The following IRAG1 variants were observed in gnomAD, a reference collection of about 807,000 sequenced individuals.
The protein encoded by IRAG1 is IP3R-associated cGMP kinase substrate.
In IRAG1, 62 loss-of-function variants were observed where a neutral mutation model predicts 106.2. The observed-to-expected ratio is 0.58, with a 90% CI of 0.48 to 0.72. The LOEUF (loss-of-function observed/expected upper bound fraction) is 0.72. Among genes scored for constraint, IRAG1 ranks in the 30% least tolerant of loss-of-function variants. IRAG1 has a pLI of 0.00. For synonymous variants in IRAG1, 462 were observed against 443.9 expected, an observed-to-expected ratio of 1.04 and a Z score of -0.51; for missense variants, 1,064 against 1,140.7, an observed-to-expected ratio of 0.93 and a Z score of 0.97.
intron 1 of IRAG1, among the ~76,000 whole-genome samples, chr11:10,654,581 T>C (rs1434444373): frequency 6.6e-6 from 1 of 152,154 alleles, no homozygotes; most frequent in African/African-American, 2.4e-5. Context: ...GCTGGTGACA[T>C]AAAGATAATC....
In IRAG1 at chr11:10,581,991, T is replaced by C. The variant is rs1156324709; in HGVS notation, c.2241-5A>G. 2.5e-6 allele frequency: 4 copies of C among 1,612,250 alleles called. No homozygotes were observed. The stretch of plus-strand genomic sequence containing the variant: ...GGGTCCCCATTTGTCTTTCCACTAG[T>C]GAGAAGAGGGAAGTACAGGGCATCA... On this transcript the variant is annotated splice_polypyrimidine_tract_variant and splice_region_variant and intron_variant, in intron 18 of 20. Coordinates refer to ENST00000423302, the MANE Select transcript of IRAG1 (RefSeq NM_130385.4).
chr11:10,634,753 T>TTG (rs57266330), intron 2 of IRAG1, among the ~76,000 whole-genome samples: 2,050 of 145,034 alleles, frequency 0.014, 22 homozygotes, highest in Middle Eastern at 0.028. Context: ...AATAATATTC[T>TTG]TGTGTGTGTG....
chr11:10,649,413 A>T (rs1398216408), intron 2 of IRAG1, among the ~76,000 whole-genome samples: 1 of 152,282 alleles, frequency 6.6e-6, no homozygotes, highest in Non-Finnish European at 1.5e-5. Flanking sequence ...AGAGTCTAGG[A>T]GGCAGCAACT....
chr11:10,590,694 C>A (rs533180588), intron 18 of IRAG1, among the ~76,000 whole-genome samples: 1 of 152,130 alleles, frequency 6.6e-6, no homozygotes, highest in African/African-American at 2.4e-5. Flanking sequence ...GCTATAAAAT[C>A]CTCTGAGTGC....
intron 10 of IRAG1, among the ~76,000 whole-genome samples, chr11:10,619,239 A>C (rs1855657509): frequency 6.6e-6 from 1 of 152,212 alleles, no homozygotes; most frequent in Non-Finnish European, 1.5e-5. Context: ...CACAGAAATG[A>C]GCCTCCCAGT....
At chr11:10,682,457 T>C (rs1258408216) in intron 1 of IRAG1, among the ~76,000 whole-genome samples, 2 of 152,166 alleles carry the variant, frequency 1.3e-5, no homozygotes, top group Admixed American at 6.5e-5. Context: ...TAACCAACCG[T>C]ATCTTTTTTT....
At chr11:10,624,271 T>C (rs1258904707) in intron 9 of IRAG1, among the ~76,000 whole-genome samples, 1 of 152,216 alleles carries the variant, frequency 6.6e-6, no homozygotes, top group African/African-American at 2.4e-5. Context: ...GGCGATCTCA[T>C]GGCTGGCTGG....
chr11:10,653,756 G>A (rs1034592388), intron 1 of IRAG1, among the ~76,000 whole-genome samples: 13 of 152,198 alleles, frequency 8.5e-5, no homozygotes, highest in African/African-American at 3.1e-4. Context: ...GAGGCCACCT[G>A]CACGGGGGTC....
chr11:10,679,761 G>A (rs1860995546), intron 1 of IRAG1, among the ~76,000 whole-genome samples: 1 of 152,168 alleles, frequency 6.6e-6, no homozygotes, highest in African/African-American at 2.4e-5. Context: ...TCCAGATCTG[G>A]GTGATGTTGT....
chr11:10,670,631 A>G (rs1217727358), intron 1 of IRAG1, among the ~76,000 whole-genome samples: 1 of 152,222 alleles, frequency 6.6e-6, no homozygotes, highest in African/African-American at 2.4e-5. Context: ...CTTATGTCAA[A>G]ATCCTAACCC....
intron 10 of IRAG1, among the ~76,000 whole-genome samples, chr11:10,622,826 A>C (rs182722680): frequency 6.0e-4 from 90 of 150,216 alleles, no homozygotes; most frequent in Non-Finnish European, 1.0e-3. Context: ...CGTTCATTCA[A>C]CAAATACCTA....
Position 10,603,168 on chromosome 11 carries a change from C to T in IRAG1, c.1827G>A (p.Leu609=), listed in dbSNP as rs368176449. 35 of 1,607,974 alleles carry T rather than the reference C, an allele frequency of 2.2e-5. No individual in the cohort carries two copies. Among genetic ancestry groups the T allele is most frequent in the Non-Finnish European group, 3.0e-5 (35 of 1,177,296 alleles). ...CAGCTCGGCTGGAGAGGCGGGCAGCCAGGCGGTGCAGGACAGCGATGTCCT... is the reference window on the plus strand; with the variant it reads ...CAGCTCGGCTGGAGAGGCGGGCAGCTAGGCGGTGCAGGACAGCGATGTCCT... ...LLEDIAVLHR[L]AARLSSRAEV... is the part of the protein sequence containing the mutation. The change falls in exon 14 of 21, where the codon CTG becomes CTA. Residue 609 remains leucine, a synonymous_variant. Coordinates refer to ENST00000423302, the MANE Select transcript of IRAG1 (RefSeq NM_130385.4).
chr11:10,670,347 C>A (rs912618820), intron 1 of IRAG1, among the ~76,000 whole-genome samples: 1 of 152,212 alleles, frequency 6.6e-6, no homozygotes, highest in African/African-American at 2.4e-5. Flanking sequence ...GCTGGTCATC[C>A]ACCCTCCTTG....
chr11:10,633,086 T>G (rs1564919132), intron 3 of IRAG1, among the ~76,000 whole-genome samples: 1 of 149,904 alleles, frequency 6.7e-6, no homozygotes, highest in African/African-American at 2.4e-5. Context: ...TTTTTTTTTT[T>G]TTTTTTGAGA....
intron 4 of IRAG1, among the ~76,000 whole-genome samples, chr11:10,631,448 C>G (rs1856681945): frequency 6.6e-6 from 1 of 152,242 alleles, no homozygotes; most frequent in Admixed American, 6.5e-5. Context: ...GACTCGGTCC[C>G]CTTCTTGCCT....
rs754813096 is a variant in IRAG1 at position 10,603,128 on chromosome 11, C to T, written c.1867G>A (p.Val623Ile). Residue 623 changes from valine to isoleucine, a missense_variant, in exon 14 of 21, where the codon GTC becomes ATC. By Grantham distance (29) the Val-to-Ile change is conservative. Coordinates refer to ENST00000423302, the MANE Select transcript of IRAG1 (RefSeq NM_130385.4). ...LSSRAEVVGA[V>I]RQEKRMSKAT... ...GGGCTGGAGAGACTCACCTGGCGGA[C>T]GGCGCCTACCACCTCAGCTCGGCTG... The T allele has an allele frequency of 2.2e-5, 36 of 1,609,198 alleles. 1 individual carries two copies. The highest frequency in any genetic ancestry group is 3.3e-4 in the Middle Eastern group (2 of 5,976).
chr11:10,598,005 G>A (rs924863485), intron 15 of IRAG1, among the ~76,000 whole-genome samples: 17 of 152,222 alleles, frequency 1.1e-4, no homozygotes, highest in Non-Finnish European at 1.8e-4. Context: ...AGGAGAAAGT[G>A]TTTTTTCCTA....
chr11:10,583,765 A>G (rs1461092007), intron 18 of IRAG1, among the ~76,000 whole-genome samples: 1 of 152,196 alleles, frequency 6.6e-6, no homozygotes, highest in Non-Finnish European at 1.5e-5. Flanking sequence ...TTGGAAAACT[A>G]GAGAATCTCT....
Position 10,601,072 on chromosome 11 carries a change from A to G in IRAG1, c.1876-13T>C, listed in dbSNP as rs1423869672. ...ACATGCGCTTTTCCTGCGGGGAAGG[A>G]GCGCATGAGTGCATGAGGCCATTGG... is the stretch of plus-strand genomic sequence containing the variant. On this transcript the variant is annotated splice_polypyrimidine_tract_variant and intron_variant, in intron 14 of 20. Coordinates refer to ENST00000423302, the MANE Select transcript of IRAG1 (RefSeq NM_130385.4). 1.9e-6 allele frequency: 3 copies of G among 1,613,334 alleles called. No individual in the cohort carries two copies. The highest frequency in any genetic ancestry group is 1.3e-5 in the African/African-American group (1 of 74,926).
Sources: allele counts gnomAD v4.1 joint callset (sites outside exome capture counted in the v4.1 genomes callset), GRCh38; gene constraint gnomAD v4.1.1; transcripts MANE v1.5; gene names NCBI Gene and HGNC (gene_info 2026-07-23, HGNC 2026-07-21).